The following ANKRD17 variants were observed in gnomAD, a reference collection of about 807,000 sequenced individuals.
The protein encoded by ANKRD17 is ankyrin repeat domain-containing protein 17.
ANKRD17 carries 19 observed loss-of-function variants against 229.7 expected under a neutral mutation model. That is an observed-to-expected ratio of 0.08 (90% CI 0.06 to 0.12). The LOEUF (loss-of-function observed/expected upper bound fraction) is 0.12, where lower values mean the gene tolerates loss of function less well. ANKRD17 is among the 10% of genes least tolerant of loss of function. ANKRD17 has a pLI of 1.00. For missense variants in ANKRD17, 2,176 were observed against 3,176.8 expected (o/e 0.68, Z 7.57); for synonymous variants, 1,112 against 1,146.1 (o/e 0.97, Z 0.60).
At chr4:73,210,689 A>G (rs1740133014) in intron 1 of ANKRD17, among the ~76,000 whole-genome samples, 1 of 152,204 alleles carries the variant, frequency 6.6e-6, no homozygotes, top group Non-Finnish European at 1.5e-5. Flanking sequence ...TGTATAAACA[A>G]TGTGAAGGGT....
At chr4:73,083,015 A>G (rs887615327) in intron 30 of ANKRD17, among the ~76,000 whole-genome samples, 2 of 152,208 alleles carry the variant, frequency 1.3e-5, no homozygotes, top group African/African-American at 4.8e-5. Flanking sequence ...GTCTACAACT[A>G]ACTGTAAAAT....
chr4:73,086,726 C>CTACA (rs1255681645), intron 29 of ANKRD17, among the ~76,000 whole-genome samples: 1 of 148,974 alleles, frequency 6.7e-6, no homozygotes, highest in Non-Finnish European at 1.5e-5. Flanking sequence ...GTATCTGGGG[C>CTACA]TACAGGTGTT....
rs1049676685 is a variant in ANKRD17 at position 73,076,136 on chromosome 4, T to C, written c.*95A>G. The C allele has an allele frequency of 8.4e-6, 9 of 1,070,006 alleles. No individual in the cohort carries two copies. Among genetic ancestry groups the C allele is most frequent in the Non-Finnish European group, 1.2e-5 (9 of 750,490 alleles). 66.3% of individuals were successfully genotyped at this position (1,070,006 alleles called of 1,614,324 possible). ...AGCCTACACACTTCAGTCAAGCACA[T>C]CAGTAGAATGATTTGGGAGCATAAT... On this transcript the variant is annotated 3_prime_UTR_variant, in exon 34 of 34. Coordinates refer to ENST00000358602, the MANE Select transcript of ANKRD17 (RefSeq NM_032217.5).
At chr4:73,243,111 T>C (rs1029452717) in intron 1 of ANKRD17, among the ~76,000 whole-genome samples, 1 of 152,048 alleles carries the variant, frequency 6.6e-6, no homozygotes, top group African/African-American at 2.4e-5. Flanking sequence ...AGCTAGAAAG[T>C]CTGCATGTTT....
chr4:73,146,322 A>G (rs996584669), intron 10 of ANKRD17, among the ~76,000 whole-genome samples: 4 of 152,138 alleles, frequency 2.6e-5, no homozygotes, highest in Non-Finnish European at 5.9e-5. Context: ...CTGAAATTAT[A>G]AAGTACTTGA....
At chr4:73,201,497 A>T (rs1192952290) in intron 1 of ANKRD17, among the ~76,000 whole-genome samples, 1 of 152,154 alleles carries the variant, frequency 6.6e-6, no homozygotes, top group African/African-American at 2.4e-5. Context: ...GAAAAAAAGC[A>T]AGAAACAAAT....
intron 28 of ANKRD17, 107 bp from the exon 29 acceptor site, chr4:73,092,407 T>A: frequency 1.1e-6 from 1 of 878,944 alleles, no homozygotes; most frequent in Non-Finnish European, 1.7e-6. Context: ...GTTTTGTGTG[T>A]ATATACATAC....
chr4:73,140,961 G>A (rs1041698624), intron 14 of ANKRD17, among the ~76,000 whole-genome samples: 2 of 152,176 alleles, frequency 1.3e-5, no homozygotes, highest in African/African-American at 4.8e-5. Flanking sequence ...ACAGCCAGGT[G>A]AACAGACAGA....
chr4:73,165,722 C>A lies in ANKRD17; in HGVS notation c.548-4374G>T, dbSNP rs201035589. Among the ~76,000 whole-genome samples the A allele has an allele frequency of 5.3e-5, 8 of 152,276 alleles. No individual in the cohort carries two copies. In the East Asian group the frequency reaches 9.7e-4, roughly 18 times the overall value. The stretch of plus-strand genomic sequence containing the variant: ...ATGAGCTTGTGAAAGGCAGAGATTT[C>A]TTTGGCTGGTTGGAGATAAGGAAGT... On this transcript the variant is annotated intron_variant, in intron 2 of 33. Transcript: ENST00000358602.
chr4:73,090,860 T>C lies in ANKRD17; in HGVS notation c.6768A>G (p.Thr2256=). 6.2e-7 allele frequency: 1 copy of C among 1,614,218 alleles called. No individual in the cohort carries two copies. Among genetic ancestry groups the C allele is most frequent in the Non-Finnish European group, 8.5e-7 (1 of 1,180,040 alleles). Residue 2256 remains threonine (T), a synonymous_variant, in exon 29 of 34, where the codon ACA becomes ACG. Coordinates refer to ENST00000358602, the MANE Select transcript of ANKRD17 (RefSeq NM_032217.5). ...CAGAAGTAGGGCTGTTTTCAAACAA[T>C]GTGCTAAAGGGCCCAAATGGTAAGG... ...SAPLPFGPFS[T]LFENSPTSAH...
At chr4:73,082,498 AAAGG>A (rs1320492341) in intron 30 of ANKRD17, among the ~76,000 whole-genome samples, 1 of 152,138 alleles carries the variant, frequency 6.6e-6, no homozygotes, top group African/African-American at 2.4e-5. Context: ...CGTGAGAAGA[AAAGG>A]AGAGGAGAGA....
At chr4:73,145,174 T>C (rs567867433) in intron 10 of ANKRD17, among the ~76,000 whole-genome samples, 3 of 152,158 alleles carry the variant, frequency 2.0e-5, no homozygotes, top group Non-Finnish European at 4.4e-5. Context: ...TGAATATGCA[T>C]GTATGGTACT....
At chr4:73,152,168 C>T (rs1731078093) in intron 6 of ANKRD17, among the ~76,000 whole-genome samples, 1 of 151,992 alleles carries the variant, frequency 6.6e-6, no homozygotes, top group Admixed American at 6.6e-5. Flanking sequence ...GACTTCAGAT[C>T]CTATGCAAAA....
At chr4:73,206,636 G>C (rs1739498606) in intron 1 of ANKRD17, among the ~76,000 whole-genome samples, 1 of 152,200 alleles carries the variant, frequency 6.6e-6, no homozygotes, top group South Asian at 2.1e-4. Context: ...CATAGAAGCA[G>C]TGAGTAAAAT....
In ANKRD17 at chr4:73,085,301, T is replaced by C. The variant is rs906833364; in HGVS notation, c.7107A>G (p.Arg2369=). 1 of 1,614,134 alleles carries C rather than the reference T, an allele frequency of 6.2e-7. No individual in the cohort carries two copies. Residue 2369 remains arginine (R), a synonymous_variant, in exon 30 of 34, where the codon AGA becomes AGG. Coordinates refer to ENST00000358602, the MANE Select transcript of ANKRD17 (RefSeq NM_032217.5). ...GGAPAAANFN[R]QHFSPLSLLT... ...ACAAACTAAGCGGGGAAAAATGTTG[T>C]CTGTTAAAGTTAGCAGCTGCGGGTG...
intron 30 of ANKRD17, 109 bp downstream of exon 30, chr4:73,085,138 AAG>A: frequency 8.4e-7 from 1 of 1,189,422 alleles, no homozygotes; most frequent in Non-Finnish European, 1.2e-6. Context: ...CCAGACTTCT[AAG>A]AGTACAAATT....
At chr4:73,104,040 G>C (rs917059614) in intron 24 of ANKRD17, 1 of 152,096 alleles carries the variant, frequency 6.6e-6, no homozygotes, top group African/African-American at 2.4e-5. Flanking sequence ...TTCCTGAAAA[G>C]GGCAACAGTG....
chr4:73,107,631 C>T (rs931200416), intron 24 of ANKRD17, among the ~76,000 whole-genome samples: 14 of 152,060 alleles, frequency 9.2e-5, no homozygotes, highest in Admixed American at 5.9e-4. Flanking sequence ...TAAGTGAACA[C>T]CTGAAGGACA....
intron 1 of ANKRD17, among the ~76,000 whole-genome samples, chr4:73,253,890 C>T (rs1745235425): frequency 6.6e-6 from 1 of 152,174 alleles, no homozygotes; most frequent in Non-Finnish European, 1.5e-5. Flanking sequence ...ATTTCCATTC[C>T]TTCTCTTCTT....
Sources: allele counts gnomAD v4.1 joint callset (sites outside exome capture counted in the v4.1 genomes callset), GRCh38; gene constraint gnomAD v4.1.1; transcripts MANE v1.5; gene names NCBI Gene and HGNC (gene_info 2026-07-23, HGNC 2026-07-21).